ANAPC7: variants seen among roughly 807,000 people sequenced by gnomAD.
ANAPC7 encodes anaphase-promoting complex subunit 7.
In ANAPC7, 25 loss-of-function variants were observed where a neutral mutation model predicts 63.3. That is an observed-to-expected ratio of 0.39 (90% CI 0.29 to 0.55). The LOEUF (loss-of-function observed/expected upper bound fraction) is 0.55. ANAPC7 is among the 20% of genes least tolerant of loss of function. ANAPC7 has a pLI of 0.57. For missense variants in ANAPC7, 516 were observed against 691.7 expected, an observed-to-expected ratio of 0.75 and a Z score of 2.85; for synonymous variants, 241 against 251.7, an observed-to-expected ratio of 0.96 and a Z score of 0.40.
At chr12:110,378,357 GTAT>G (rs1185728051) in intron 8 of ANAPC7, among the ~76,000 whole-genome samples, 2 of 152,224 alleles carry the variant, frequency 1.3e-5, no homozygotes, top group Admixed American at 1.3e-4. Context: ...GCCTCCCAAA[GTAT>G]TAGGATTACA....
At chr12:110,400,777 G>A (rs1461233101) in intron 1 of ANAPC7, among the ~76,000 whole-genome samples, 1 of 151,984 alleles carries the variant, frequency 6.6e-6, no homozygotes, top group Non-Finnish European at 1.5e-5. Flanking sequence ...TGGGCTCGGT[G>A]GCTCACGCCT....
Position 110,403,645 on chromosome 12 carries a change from CGGGCAGCGGCG to C in ANAPC7, c.-29_-19del. Reference sequence around the variant, plus strand: ...ACATTCATCCTGCTCTGCAAAGCCGCGGGCAGCGGCGGCAGCACTGACTCGAAAAGCCGGTA... The same window carrying C: ...ACATTCATCCTGCTCTGCAAAGCCGCGCAGCACTGACTCGAAAAGCCGGTA... On this transcript the variant is annotated 5_prime_UTR_variant, in exon 1 of 11. Transcript: ENST00000455511. The C allele has an allele frequency of 1.3e-6, 2 of 1,579,404 alleles. No individual in the cohort carries two copies. The highest frequency in any genetic ancestry group is 4.6e-5 in the East Asian group (2 of 43,346).
intron 3 of ANAPC7, among the ~76,000 whole-genome samples, chr12:110,390,482 A>G (rs1883003733): frequency 6.6e-6 from 1 of 152,332 alleles, no homozygotes; most frequent in African/African-American, 2.4e-5. Context: ...TCTTCGATTT[A>G]ACTGTGGCTT....
At chr12:110,382,441 T>TAAAAAA (rs137996217) in intron 7 of ANAPC7, among the ~76,000 whole-genome samples, 1 of 53,078 alleles carries the variant, frequency 1.9e-5, no homozygotes, top group African/African-American at 7.7e-5. Context: ...ATTATCCTTT[T>TAAAAAA]AAAAAAAAAA....
chr12:110,397,057 A>G (rs1375735095), intron 1 of ANAPC7, among the ~76,000 whole-genome samples: 1 of 151,606 alleles, frequency 6.6e-6, no homozygotes, highest in Non-Finnish European at 1.5e-5. Context: ...ACAAAAAATT[A>G]GCCAGGCGTG....
Position 110,377,890 on chromosome 12 carries a change from T to C in ANAPC7, c.1133-273A>G, listed in dbSNP as rs918159330. 1.3e-5 allele frequency: 16 copies of C among 1,186,166 alleles called. No individual in the cohort carries two copies. The African/African-American group carries it at 2.5e-4, about 18-fold the overall frequency. The allele number at this position is 1,186,166 out of a possible 1,614,324, so 73.5% of individuals were successfully genotyped here. On this transcript the variant is annotated intron_variant, in intron 8 of 10. Coordinates refer to ENST00000455511, the MANE Select transcript of ANAPC7 (RefSeq NM_016238.3). ...AAGCACATGTAAGGAACCTGCAGCA[T>C]GTGAGCACCCCATCTGACCACTGGA...
intron 1 of ANAPC7, among the ~76,000 whole-genome samples, chr12:110,398,178 A>C (rs764418996): frequency 3.3e-5 from 5 of 152,028 alleles, no homozygotes; most frequent in Non-Finnish European, 7.4e-5. Flanking sequence ...CCCAGGAGGC[A>C]GAGGTTGGGG....
intron 1 of ANAPC7, among the ~76,000 whole-genome samples, chr12:110,396,966 G>A (rs540260808): frequency 6.6e-6 from 1 of 152,128 alleles, no homozygotes; most frequent in African/African-American, 2.4e-5. Context: ...CACTTTGGGA[G>A]GCTGAGGGGG....
intron 3 of ANAPC7, among the ~76,000 whole-genome samples, chr12:110,391,060 C>T (rs1260307276): frequency 3.3e-5 from 5 of 151,990 alleles, no homozygotes; most frequent in Non-Finnish European, 7.4e-5. Context: ...TGCAGCGGTA[C>T]GCGCCTGTAG....
At chr12:110,393,606 A>G (rs1309613738) in intron 3 of ANAPC7, among the ~76,000 whole-genome samples, 3 of 151,834 alleles carry the variant, frequency 2.0e-5, no homozygotes, top group Non-Finnish European at 4.4e-5. Context: ...GGTGGCTCCC[A>G]CCTGTAACCC....
At chr12:110,403,416 G>A (rs2062262386) in intron 1 of ANAPC7, 111 bp downstream of exon 1, 2 of 1,253,536 alleles carry the variant, frequency 1.6e-6, no homozygotes. Context: ...CGGAGCCTCC[G>A]CTGGCGCCGG....
rs1395040725 is a variant in ANAPC7 at position 110,382,827 on chromosome 12, G to A, written c.935+16C>T. On this transcript the variant is annotated intron_variant, in intron 7 of 10. Coordinates refer to ENST00000455511, the MANE Select transcript of ANAPC7 (RefSeq NM_016238.3). ...TCTACTGACAACTGGGGAGAAAAGA[G>A]AATGCATAATCATACCCAGAAACCA... 3.2e-6 allele frequency: 5 copies of A among 1,582,018 alleles called. No homozygotes were observed. In the Admixed American group the frequency reaches 6.8e-5, roughly 22 times the overall value.
rs951359810 is a variant in ANAPC7 at position 110,376,047 on chromosome 12, A to G, written c.1508+19T>C. 3.1e-6 allele frequency: 5 copies of G among 1,603,572 alleles called. No homozygotes were observed. The highest frequency in any genetic ancestry group is 3.4e-4 in the Middle Eastern group (2 of 5,906). On this transcript the variant is annotated intron_variant, in intron 10 of 10. Transcript: ENST00000455511. ...CTACCCTCCTCAGTGGCCTTCCCCCAAGGGAGGCTAGTGCCTACCTTAGTG... is the reference window on the plus strand; with the variant it reads ...CTACCCTCCTCAGTGGCCTTCCCCCGAGGGAGGCTAGTGCCTACCTTAGTG...
intron 8 of ANAPC7, among the ~76,000 whole-genome samples, chr12:110,379,747 T>C (rs1881641567): frequency 6.6e-6 from 1 of 152,196 alleles, no homozygotes. Flanking sequence ...AAATCACTCC[T>C]AGACTCCTAG....
intron 8 of ANAPC7, among the ~76,000 whole-genome samples, chr12:110,380,481 T>A (rs1204162530): frequency 2.6e-5 from 4 of 151,464 alleles, no homozygotes; most frequent in African/African-American, 9.7e-5. Context: ...TGAAACTCCA[T>A]CTCACTAAAA....
chr12:110,385,297 C>T (rs1015563391), intron 6 of ANAPC7, among the ~76,000 whole-genome samples: 4 of 152,098 alleles, frequency 2.6e-5, no homozygotes, highest in African/African-American at 9.7e-5. Context: ...ACTGCCTCTC[C>T]GCAGCCCCCG....
At chr12:110,387,321 G>GAGGC (rs1882637875) in intron 5 of ANAPC7, 5 of 132,804 alleles carry the variant, frequency 3.8e-5, no homozygotes, top group Admixed American at 7.4e-5. Flanking sequence ...CAGAGAGACA[G>GAGGC]AGAGAGAGAG....
intron 3 of ANAPC7, 146 bp downstream of exon 3, chr12:110,394,955 C>A: frequency 1.1e-6 from 1 of 900,270 alleles, no homozygotes; most frequent in Non-Finnish European, 1.6e-6. Flanking sequence ...CAGGGTCCCC[C>A]ACCCCCACTC....
chr12:110,391,887 A>T (rs961306276), intron 3 of ANAPC7, among the ~76,000 whole-genome samples: 1 of 151,960 alleles, frequency 6.6e-6, no homozygotes, highest in African/African-American at 2.4e-5. Context: ...CTAAGGTCAG[A>T]TCGAGACCAT....
Sources: gnomAD v4.1 joint callset for allele counts (sites outside exome capture counted in the v4.1 genomes callset) on GRCh38, gnomAD v4.1.1 for gene constraint, MANE v1.5 for transcripts, NCBI Gene and HGNC (gene_info 2026-07-23, HGNC 2026-07-21) for gene names.